Variants in RALYL observed in about 807,000 individuals in gnomAD.
RALYL encodes the protein RNA-binding Raly-like protein.
In RALYL, 29 loss-of-function variants were observed where a neutral mutation model predicts 35.1. The observed-to-expected ratio is 0.83, with a 90% CI of 0.61 to 1.13. RALYL has a LOEUF of 1.13. Ranked by LOEUF, RALYL falls within the 50% of genes most tolerant of loss-of-function variation. The pLI, the probability that RALYL is intolerant of heterozygous loss-of-function variation, is 0.00. For missense variants in RALYL, 359 were observed against 360.4 expected, an observed-to-expected ratio of 1.00 and a Z score of 0.03; for synonymous variants, 120 against 127.6, an observed-to-expected ratio of 0.94 and a Z score of 0.40.
chr8:84,487,010 C>G (rs765502515), intron 1 of RALYL, among the ~76,000 whole-genome samples: 2 of 151,990 alleles, frequency 1.3e-5, no homozygotes, highest in South Asian at 4.1e-4. Context: ...GTTAGGACCA[C>G]CACAGGCACT....
chr8:84,495,883 G>A (rs1430843504), intron 1 of RALYL, among the ~76,000 whole-genome samples: 1 of 152,064 alleles, frequency 6.6e-6, no homozygotes, highest in Non-Finnish European at 1.5e-5. Context: ...TTAGTATTTT[G>A]TAATGGAAAG....
chr8:84,357,896 G>A (rs73688489), intron 1 of RALYL, among the ~76,000 whole-genome samples: 7,401 of 151,146 alleles, frequency 0.049, 400 homozygotes, highest in African/African-American at 0.13. Context: ...AATTTAGTTG[G>A]TAAAGGCTGA....
intron 4 of RALYL, among the ~76,000 whole-genome samples, chr8:84,844,470 C>T (rs1465601971): frequency 6.6e-6 from 1 of 152,058 alleles, no homozygotes; most frequent in African/African-American, 2.4e-5. Flanking sequence ...CAGGAAACAA[C>T]AGGTGCTGGA....
chr8:84,361,454 G>A (rs1853010572), intron 1 of RALYL, among the ~76,000 whole-genome samples: 1 of 152,190 alleles, frequency 6.6e-6, no homozygotes, highest in South Asian at 2.1e-4. Context: ...AAGAAACTGG[G>A]ACAACAGACC....
chr8:84,621,801 C>T (rs777169837), intron 2 of RALYL, among the ~76,000 whole-genome samples: 1 of 152,122 alleles, frequency 6.6e-6, no homozygotes, highest in East Asian at 1.9e-4. Context: ...CAGACAGATT[C>T]TCAAGGGCAT....
chr8:84,820,669 C>G (rs140174489), intron 4 of RALYL, among the ~76,000 whole-genome samples: 3 of 152,188 alleles, frequency 2.0e-5, no homozygotes, highest in Admixed American at 2.0e-4. Flanking sequence ...GTCCTGCATG[C>G]ATTAGGTATT....
chr8:84,302,665 A>T (rs1397576522), intron 1 of RALYL, among the ~76,000 whole-genome samples: 1 of 152,158 alleles, frequency 6.6e-6, no homozygotes, highest in Non-Finnish European at 1.5e-5. Context: ...TAGGCAGAGG[A>T]GTGAGATAAA....
In RALYL at chr8:84,887,505, A is replaced by G. The variant is rs957914396; in HGVS notation, c.686-99A>G. Reference sequence around the variant, plus strand: ...TTACCTTCTGTACACCTTTAATAGCATATAGCGTTTACCCTTTCATGGACT... The same window carrying G: ...TTACCTTCTGTACACCTTTAATAGCGTATAGCGTTTACCCTTTCATGGACT... On this transcript the variant is annotated intron_variant, in intron 7 of 8. Coordinates refer to ENST00000521268, the MANE Select transcript of RALYL (RefSeq NM_173848.7). 6 of 992,640 alleles carry G rather than the reference A, an allele frequency of 6.0e-6. No homozygotes were observed. The Admixed American group carries it at 7.8e-5, about 13-fold the overall frequency. 61.5% of individuals were successfully genotyped at this position (992,640 alleles called of 1,614,324 possible). A position where few individuals can be genotyped will look rare whatever the true frequency, so the allele number is the denominator to read the frequency against.
chr8:84,884,603 G>A (rs1842679971), intron 7 of RALYL, among the ~76,000 whole-genome samples: 1 of 151,860 alleles, frequency 6.6e-6, no homozygotes, highest in Admixed American at 6.6e-5. Flanking sequence ...AGTTCTCAAA[G>A]AGCAAATATT....
chr8:84,675,264 C>T (rs185832665), intron 2 of RALYL, among the ~76,000 whole-genome samples: 86 of 152,120 alleles, frequency 5.7e-4, no homozygotes, highest in Middle Eastern at 3.4e-3. Flanking sequence ...TACAATGTAA[C>T]TTTGGATGAC....
chr8:84,288,181 G>A (rs908164361), intron 1 of RALYL, among the ~76,000 whole-genome samples: 1 of 151,704 alleles, frequency 6.6e-6, no homozygotes, highest in Non-Finnish European at 1.5e-5. Flanking sequence ...TTTTGTTTTT[G>A]TTTTTGTTTT....
intron 1 of RALYL, among the ~76,000 whole-genome samples, chr8:84,318,056 A>C (rs187051238): frequency 6.6e-6 from 1 of 152,222 alleles, no homozygotes; most frequent in Admixed American, 6.5e-5. Context: ...GCCATAAAAC[A>C]TGTCTACCTT....
At chr8:84,574,602 A>G (rs1247933984) in intron 2 of RALYL, among the ~76,000 whole-genome samples, 1 of 152,100 alleles carries the variant, frequency 6.6e-6, no homozygotes, top group Non-Finnish European at 1.5e-5. Context: ...AAATCCTGGC[A>G]GAAAGCTTGG....
chr8:84,336,202 T>A (rs1462794103), intron 1 of RALYL, among the ~76,000 whole-genome samples: 2 of 152,124 alleles, frequency 1.3e-5, no homozygotes, highest in East Asian at 3.9e-4. Flanking sequence ...AGCAACTGAT[T>A]TTTTTTAACC....
At chr8:84,580,503 T>C (rs1055258818) in intron 2 of RALYL, among the ~76,000 whole-genome samples, 6 of 152,092 alleles carry the variant, frequency 3.9e-5, no homozygotes, top group Middle Eastern at 3.2e-3. Context: ...CCAGCTCTTA[T>C]GGTTACTAAT....
At chr8:84,476,442 T>C (rs1263360176) in intron 1 of RALYL, among the ~76,000 whole-genome samples, 2 of 152,176 alleles carry the variant, frequency 1.3e-5, no homozygotes, top group African/African-American at 4.8e-5. Context: ...TAAAGTATTT[T>C]ATTCTTAATC....
At chr8:84,377,610 G>A (rs1483729950) in intron 1 of RALYL, among the ~76,000 whole-genome samples, 1 of 151,470 alleles carries the variant, frequency 6.6e-6, no homozygotes, top group Non-Finnish European at 1.5e-5. Flanking sequence ...GTGCTTTAGT[G>A]TTCTTGAACA....
chr8:84,272,205 G>T (rs1211668460), intron 1 of RALYL, among the ~76,000 whole-genome samples: 1 of 152,104 alleles, frequency 6.6e-6, no homozygotes, highest in Non-Finnish European at 1.5e-5. Context: ...CGATTCTCCT[G>T]CCTCAGCCTC....
At chr8:84,497,642 G>GTTTTTTT (rs71271999) in intron 1 of RALYL, among the ~76,000 whole-genome samples, 478 of 117,074 alleles carry the variant, frequency 4.1e-3, no homozygotes, top group Middle Eastern at 5.6e-3. Context: ...TTTTGTTTTT[G>GTTTTTTT]TTTTTTTTTT....
Sources: allele counts gnomAD v4.1 joint callset (sites outside exome capture counted in the v4.1 genomes callset), GRCh38; gene constraint gnomAD v4.1.1; transcripts MANE v1.5; gene names NCBI Gene and HGNC (gene_info 2026-07-23, HGNC 2026-07-21).